The following C9orf85 variants were observed in gnomAD, a reference collection of about 807,000 sequenced individuals.
C9orf85 encodes uncharacterized protein C9orf85.
In C9orf85, 16 loss-of-function variants were observed where a neutral mutation model predicts 14.9. That is an observed-to-expected ratio of 1.08 (90% CI 0.73 to 1.63). The LOEUF (loss-of-function observed/expected upper bound fraction) is 1.63, where lower values mean the gene tolerates loss of function less well. C9orf85 is among the 40% of genes most tolerant of loss of function. The pLI is 0.00. For missense variants in C9orf85, 172 were observed against 186.1 expected, an observed-to-expected ratio of 0.92 and a Z score of 0.44; for synonymous variants, 45 against 56.8, an observed-to-expected ratio of 0.79 and a Z score of 0.93.
At chr9:71,943,837 G>A (rs1589257554) in intron 1 of C9orf85, among the ~76,000 whole-genome samples, 1 of 150,224 alleles carries the variant, frequency 6.7e-6, no homozygotes, top group African/African-American at 2.4e-5. Context: ...CACCGCACCC[G>A]GCCCTTTCTC....
intron 2 of C9orf85, among the ~76,000 whole-genome samples, chr9:71,959,481 T>C (rs1239776444): frequency 1.3e-5 from 2 of 152,204 alleles, no homozygotes; most frequent in Non-Finnish European, 2.9e-5. Flanking sequence ...TGGATTCTAA[T>C]AACAACCCTG....
chr9:71,951,008 A>T (rs1424719881), intron 2 of C9orf85, among the ~76,000 whole-genome samples: 3 of 152,172 alleles, frequency 2.0e-5, no homozygotes, highest in African/African-American at 7.2e-5. Context: ...AAAGAAAAAG[A>T]GTTTGACCTA....
chr9:71,947,976 A>G (rs183044134), intron 2 of C9orf85, among the ~76,000 whole-genome samples: 6 of 152,280 alleles, frequency 3.9e-5, no homozygotes, highest in South Asian at 4.1e-4. Context: ...GGGTTCTCTT[A>G]TATCAGCCTT....
At chr9:71,929,590 A>C (rs1828022598) in intron 1 of C9orf85, among the ~76,000 whole-genome samples, 1 of 152,118 alleles carries the variant, frequency 6.6e-6, no homozygotes, top group Admixed American at 6.5e-5. Flanking sequence ...CTTAGCAAAA[A>C]TTATGTTTTG....
chr9:71,978,364 C>A (rs181329517), downstream of C9orf85, among the ~76,000 whole-genome samples: 84 of 152,280 alleles, frequency 5.5e-4, no homozygotes, highest in Non-Finnish European at 1.0e-3. Flanking sequence ...CCTGCCTCAG[C>A]CTCCCAAAGT....
At chr9:71,934,919 A>G (rs974528037) in intron 1 of C9orf85, among the ~76,000 whole-genome samples, 1 of 152,180 alleles carries the variant, frequency 6.6e-6, no homozygotes, top group African/African-American at 2.4e-5. Flanking sequence ...CTATTACTCA[A>G]CAACAAAAGA....
At chr9:71,968,912 G>A (rs964701916) in intron 2 of C9orf85, among the ~76,000 whole-genome samples, 78 of 152,196 alleles carry the variant, frequency 5.1e-4, no homozygotes, top group Middle Eastern at 3.4e-3. Context: ...CCAGAGTGGC[G>A]GGGTGAGCAG....
chr9:71,967,056 G>A (rs369187689), intron 2 of C9orf85, among the ~76,000 whole-genome samples: 3 of 152,304 alleles, frequency 2.0e-5, no homozygotes, highest in African/African-American at 7.2e-5. Flanking sequence ...TCTTTTAAGA[G>A]TGTGTTTTGA....
At chr9:71,968,331 T>G (rs1401305854) in intron 2 of C9orf85, among the ~76,000 whole-genome samples, 1 of 152,096 alleles carries the variant, frequency 6.6e-6, no homozygotes, top group Non-Finnish European at 1.5e-5. Flanking sequence ...CCTATTTGTT[T>G]TTCTGGAAGG....
downstream of C9orf85, among the ~76,000 whole-genome samples, chr9:71,973,875 C>T (rs1463401145): frequency 7.4e-5 from 9 of 121,940 alleles, no homozygotes; most frequent in African/African-American, 2.7e-4. Flanking sequence ...TTTTTTTTAA[C>T]TCTTCTTTTT....
intron 2 of C9orf85, among the ~76,000 whole-genome samples, chr9:71,957,321 C>G (rs1312516499): frequency 6.6e-6 from 1 of 152,130 alleles, no homozygotes; most frequent in Non-Finnish European, 1.5e-5. Context: ...GATTTATTGG[C>G]TAAGACAGAA....
At chr9:71,982,632 C>CTTTTT (rs56038535) in intron 3 of C9orf85, 62 of 247,688 alleles carry the variant, frequency 2.5e-4, no homozygotes, top group South Asian at 4.9e-4. Context: ...TTGTATATTT[C>CTTTTT]TTTTTTTTTT....
intron 2 of C9orf85, among the ~76,000 whole-genome samples, chr9:71,947,346 T>A (rs1264274891): frequency 6.6e-6 from 1 of 152,212 alleles, no homozygotes; most frequent in Non-Finnish European, 1.5e-5. Flanking sequence ...TATGCATCAT[T>A]TTTATAGAAC....
At chr9:71,936,219 C>T (rs1161470202) in intron 1 of C9orf85, among the ~76,000 whole-genome samples, 1 of 152,022 alleles carries the variant, frequency 6.6e-6, no homozygotes, top group African/African-American at 2.4e-5. Context: ...CAATCTGAGA[C>T]ATCAGAACTT....
At chr9:71,938,672 T>C (rs1828253116) in intron 1 of C9orf85, among the ~76,000 whole-genome samples, 1 of 151,928 alleles carries the variant, frequency 6.6e-6, no homozygotes, top group Non-Finnish European at 1.5e-5. Flanking sequence ...TACTATGAGA[T>C]TTTGCATCTA....
At chr9:71,912,121 C>T (rs1329554978) in intron 1 of C9orf85, among the ~76,000 whole-genome samples, 2 of 152,126 alleles carry the variant, frequency 1.3e-5, no homozygotes, top group African/African-American at 4.8e-5. Context: ...TTACGTCGTT[C>T]AGCGTTCCCA....
intron 1 of C9orf85, among the ~76,000 whole-genome samples, chr9:71,927,575 G>C (rs1255329127): frequency 1.3e-5 from 2 of 152,176 alleles, no homozygotes; most frequent in African/African-American, 4.8e-5. Context: ...AGAAAAATCA[G>C]TATTGCCATC....
chr9:71,952,496 C>T (rs1822272623), intron 2 of C9orf85, among the ~76,000 whole-genome samples: 1 of 152,140 alleles, frequency 6.6e-6, no homozygotes, highest in East Asian at 1.9e-4. Flanking sequence ...TCCCGAGTAG[C>T]TGGGACTACA....
chr9:71,922,832 A>G (rs1827846923), intron 1 of C9orf85, among the ~76,000 whole-genome samples: 1 of 152,154 alleles, frequency 6.6e-6, no homozygotes, highest in African/African-American at 2.4e-5. Flanking sequence ...GTACTTACAA[A>G]GTTTTTAAAA....
Sources: allele counts gnomAD v4.1 joint callset (sites outside exome capture counted in the v4.1 genomes callset), GRCh38; gene constraint gnomAD v4.1.1; transcripts MANE v1.5; gene names NCBI Gene and HGNC (gene_info 2026-07-23, HGNC 2026-07-21).